The following SLC39A8 variants were observed in gnomAD, a reference collection of about 807,000 sequenced individuals.
SLC39A8 encodes the protein metal cation symporter ZIP8.
Under a neutral mutation model 40.4 loss-of-function variants are expected in SLC39A8, and 15 were observed. That is an observed-to-expected ratio of 0.37 (90% CI 0.25 to 0.57). SLC39A8 has a LOEUF of 0.57. Among genes scored for constraint, SLC39A8 ranks in the 20% least tolerant of loss-of-function variants. SLC39A8 has a pLI of 0.75. For missense variants in SLC39A8, 472 were observed against 558.8 expected (o/e 0.84, Z 1.57); for synonymous variants, 223 against 221.6 (o/e 1.01, Z -0.06).
chr4:102,296,311 G>A (rs2149027886), intron 6 of SLC39A8, among the ~76,000 whole-genome samples: 1 of 142,318 alleles, frequency 7.0e-6, no homozygotes, highest in Non-Finnish European at 1.6e-5. Context: ...ACAGCTATGT[G>A]GTTTATTACA....
chr4:102,328,458 G>T (rs1369443829), intron 2 of SLC39A8, among the ~76,000 whole-genome samples: 2 of 152,120 alleles, frequency 1.3e-5, no homozygotes, highest in Non-Finnish European at 2.9e-5. Context: ...CAGCAGAATA[G>T]AGAGTTCATG....
At chr4:102,337,368 A>G (rs542242350) in intron 2 of SLC39A8, among the ~76,000 whole-genome samples, 9 of 152,182 alleles carry the variant, frequency 5.9e-5, no homozygotes, top group Admixed American at 1.3e-4. Flanking sequence ...ATATATCCCA[A>G]GATAAGAATA....
chr4:102,321,009 A>G (rs571840191), intron 2 of SLC39A8, among the ~76,000 whole-genome samples: 7 of 152,026 alleles, frequency 4.6e-5, no homozygotes, highest in African/African-American at 1.7e-4. Flanking sequence ...AAGTCTAGGT[A>G]TAATATTGAT....
Position 102,331,683 on chromosome 4 carries a change from A to G in SLC39A8, c.219+12761T>C, listed in dbSNP as rs557696223. 4.6e-5 allele frequency among the ~76,000 whole-genome samples: 7 copies of G among 152,352 alleles called. No homozygotes were observed. The East Asian group carries it at 1.2e-3, about 25-fold the overall frequency. ...AAAACTACTTTAAATTTCATATGGA[A>G]CCAAACAAGAGCCCATAAAGCCAAG... On this transcript the variant is annotated intron_variant, in intron 2 of 8. Coordinates refer to ENST00000356736, the MANE Select transcript of SLC39A8 (RefSeq NM_001135146.2).
rs7684902 is a variant in SLC39A8 at position 102,337,575 on chromosome 4, G to A, written c.219+6869C>T. ...GTGATTCTGTTGAAGTACTTGGCTCGGCTCACCTACTCTTCCCTCCTTGCT... is the reference window on the plus strand; with the variant it reads ...GTGATTCTGTTGAAGTACTTGGCTCAGCTCACCTACTCTTCCCTCCTTGCT... On this transcript the variant is annotated intron_variant, in intron 2 of 8. Transcript: ENST00000356736. 3.0e-3 allele frequency among the ~76,000 whole-genome samples: 459 copies of A among 152,252 alleles called. 2 individuals are homozygous for A. The highest frequency in any genetic ancestry group is 0.01 in the African/African-American group (431 of 41,572).
At chr4:102,298,647 C>T (rs1212092902) in intron 6 of SLC39A8, among the ~76,000 whole-genome samples, 1 of 152,068 alleles carries the variant, frequency 6.6e-6, no homozygotes, top group East Asian at 1.9e-4. Flanking sequence ...TCTAGTCCAT[C>T]CTGAAATGCC....
intron 3 of SLC39A8, among the ~76,000 whole-genome samples, chr4:102,308,801 G>C (rs1189398870): frequency 6.6e-6 from 1 of 152,096 alleles, no homozygotes; most frequent in Admixed American, 6.6e-5. Flanking sequence ...TTTGCCATGT[G>C]CCAGGCCCTG....
chr4:102,316,576 CATT>C (rs1379817194), intron 2 of SLC39A8, among the ~76,000 whole-genome samples: 1 of 152,122 alleles, frequency 6.6e-6, no homozygotes, highest in African/African-American at 2.4e-5. Context: ...ACAGTACTTG[CATT>C]ATTAAGAAAA....
chr4:102,327,969 T>C (rs1456176885), intron 2 of SLC39A8, among the ~76,000 whole-genome samples: 1 of 152,204 alleles, frequency 6.6e-6, no homozygotes, highest in Non-Finnish European at 1.5e-5. Context: ...AATAAACTAA[T>C]CCTGATATCA....
chr4:102,320,168 CATATATATATATATATATATATGT>C (rs1451834994), intron 2 of SLC39A8, among the ~76,000 whole-genome samples: 1 of 101,936 alleles, frequency 9.8e-6, no homozygotes, highest in Non-Finnish European at 2.0e-5. Context: ...TATATATATA[CATATATATATATATATATATATGT>C]ATATATATAT....
chr4:102,345,020 G>C (rs1050262844), intron 1 of SLC39A8, 105 bp from the exon 2 acceptor site: 5 of 658,604 alleles, frequency 7.6e-6, no homozygotes, highest in Non-Finnish European at 9.9e-6. Context: ...GCCCGGCCGG[G>C]CATGGGGCCA....
At chr4:102,271,674 C>T (rs1035724919) in intron 6 of SLC39A8, among the ~76,000 whole-genome samples, 2 of 152,188 alleles carry the variant, frequency 1.3e-5, no homozygotes, top group African/African-American at 4.8e-5. Flanking sequence ...CTTGGACTCA[C>T]AAAGATAGAC....
rs1161232722 is a variant in SLC39A8 at position 102,344,580 on chromosome 4, G to C, written c.83C>G (p.Ala28Gly). The C allele has an allele frequency of 6.5e-7, 1 of 1,549,470 alleles. No individual in the cohort carries two copies. Among genetic ancestry groups the C allele is most frequent in the Non-Finnish European group, 8.7e-7 (1 of 1,146,864 alleles). Residue 28 changes from alanine (A) to glycine (G), a missense_variant, in exon 2 of 9, where the codon GCC becomes GGC. Ala to Gly is a moderately conservative substitution (Grantham distance 60, BLOSUM62 0). Transcript: ENST00000356736. ...CACGCTCAGCACATCCTCGCTGAAG[G>C]CTAGCCCTGGCCCCTCCGCCACTCC... ...LGGVAEGPGL[A>G]FSEDVLSVFG...
rs537539503 is a variant in SLC39A8, at chr4:102,315,520, C to T, written c.382+148G>A. The T allele has an allele frequency of 2.6e-4, 160 of 606,442 alleles. 1 individual carries two copies. The highest frequency in any genetic ancestry group is 7.5e-4 in the South Asian group (14 of 18,688). 37.6% of individuals were successfully genotyped at this position (606,442 alleles called of 1,614,324 possible). ...TAAATGAGTTATAATTCTTCTTATTCCAAATACTTTCAAAATATAAGTATT... is the reference window on the plus strand; with the variant it reads ...TAAATGAGTTATAATTCTTCTTATTTCAAATACTTTCAAAATATAAGTATT... On this transcript the variant is annotated intron_variant, in intron 3 of 8. Transcript: ENST00000356736.
At chr4:102,311,058 A>C (rs1341194561) in intron 3 of SLC39A8, among the ~76,000 whole-genome samples, 1 of 152,032 alleles carries the variant, frequency 6.6e-6, no homozygotes, top group African/African-American at 2.4e-5. Flanking sequence ...CCCAGGCTTC[A>C]ATTTTTGCCT....
intron 6 of SLC39A8, among the ~76,000 whole-genome samples, chr4:102,296,759 AC>A (rs1400606380): frequency 6.6e-6 from 1 of 152,148 alleles, no homozygotes; most frequent in Non-Finnish European, 1.5e-5. Flanking sequence ...GGAAAGTATT[AC>A]AGCAGCTAAA....
chr4:102,276,666 C>T (rs2149012139), intron 6 of SLC39A8, among the ~76,000 whole-genome samples: 1 of 152,222 alleles, frequency 6.6e-6, no homozygotes, highest in Non-Finnish European at 1.5e-5. Context: ...GATACCAAAA[C>T]CAGGTAGAGA....
intron 4 of SLC39A8, among the ~76,000 whole-genome samples, chr4:102,306,923 A>T (rs888942734): frequency 9.2e-5 from 14 of 151,998 alleles, no homozygotes; most frequent in Non-Finnish European, 1.3e-4. Flanking sequence ...TCCTCAATTG[A>T]TATTTTTTCC....
intron 6 of SLC39A8, among the ~76,000 whole-genome samples, chr4:102,300,389 T>A (rs916988228): frequency 6.6e-6 from 1 of 152,068 alleles, no homozygotes; most frequent in African/African-American, 2.4e-5. Flanking sequence ...ACTTCTAAAT[T>A]TAAATATTAT....
Sources: allele counts gnomAD v4.1 joint callset (sites outside exome capture counted in the v4.1 genomes callset), GRCh38; gene constraint gnomAD v4.1.1; transcripts MANE v1.5; gene names NCBI Gene and HGNC (gene_info 2026-07-23, HGNC 2026-07-21).